The following KHDRBS2 variants were observed in gnomAD, a reference collection of about 807,000 sequenced individuals.
KHDRBS2 encodes the protein KH domain-containing, RNA-binding, signal transduction-associated protein 2.
Under a neutral mutation model 44.3 loss-of-function variants are expected in KHDRBS2, and 26 were observed. That is an observed-to-expected ratio of 0.59 (90% CI 0.43 to 0.81). KHDRBS2 has a LOEUF of 0.81. Among genes scored for constraint, KHDRBS2 ranks in the 40% least tolerant of loss-of-function variants. The pLI, the probability that KHDRBS2 is intolerant of heterozygous loss-of-function variation, is 0.00. For missense variants in KHDRBS2, 476 were observed against 433.1 expected (o/e 1.10, Z -0.88); for synonymous variants, 194 against 151.1 (o/e 1.28, Z -2.08).
chr6:61,880,409 G>A (rs1562359859), intron 6 of KHDRBS2, among the ~76,000 whole-genome samples: 1 of 151,988 alleles, frequency 6.6e-6, no homozygotes, highest in East Asian at 1.9e-4. Context: ...TGCTGCCTAA[G>A]TGACATATGA....
At chr6:62,278,113 G>A (rs1841261185) in intron 1 of KHDRBS2, among the ~76,000 whole-genome samples, 1 of 152,022 alleles carries the variant, frequency 6.6e-6, no homozygotes, top group South Asian at 2.1e-4. Context: ...ACCAAATTTT[G>A]ATCTATGAAA....
At position 61,782,722 on chromosome 6, in the gene KHDRBS2, TATATATATATATATATAC is replaced by T. The variant is rs1356256031; in HGVS notation, c.811-49976_811-49959del. Among the ~76,000 whole-genome samples the T allele has an allele frequency of 6.2e-4, 61 of 99,058 alleles. 1 individual carries two copies. Among genetic ancestry groups the T allele is most frequent in the African/African-American group, 3.5e-3 (59 of 16,962 alleles). 65.0% of individuals were successfully genotyped at this position (99,058 alleles called of 152,430 possible). A position where few individuals can be genotyped will look rare whatever the true frequency, so the allele number is the denominator to read the frequency against. On this transcript the variant is annotated intron_variant, in intron 6 of 8. Coordinates refer to ENST00000281156, the MANE Select transcript of KHDRBS2 (RefSeq NM_152688.4). ...ATATATATATATATATATATATATATATATATATATATATATACACACACACATATACATATACATATA... is the reference window on the plus strand; with the variant it reads ...ATATATATATATATATATATATATATACACACACATATACATATACATATA...
chr6:62,218,245 C>T (rs928818573), intron 1 of KHDRBS2, among the ~76,000 whole-genome samples: 1 of 151,856 alleles, frequency 6.6e-6, no homozygotes, highest in South Asian at 2.1e-4. Flanking sequence ...CGAGAACAAT[C>T]CCAAGCCTTA....
At chr6:62,274,473 T>C (rs116031345) in intron 1 of KHDRBS2, among the ~76,000 whole-genome samples, 2,355 of 152,314 alleles carry the variant, frequency 0.015, 19 homozygotes, top group Non-Finnish European at 0.026. Context: ...TACCACTCTC[T>C]CTAGACACAC....
chr6:62,263,463 T>C (rs1462834605), intron 1 of KHDRBS2, among the ~76,000 whole-genome samples: 3 of 151,698 alleles, frequency 2.0e-5, no homozygotes, highest in Non-Finnish European at 3.0e-5. Flanking sequence ...GATACATGAT[T>C]AATGTTTACT....
intron 6 of KHDRBS2, among the ~76,000 whole-genome samples, chr6:61,830,779 G>A (rs183184035): frequency 6.6e-6 from 1 of 152,224 alleles, no homozygotes; most frequent in East Asian, 1.9e-4. Context: ...ATACATGCTT[G>A]AGCTTATTGG....
chr6:62,199,398 T>C (rs1412158505), intron 1 of KHDRBS2, among the ~76,000 whole-genome samples: 2 of 152,168 alleles, frequency 1.3e-5, no homozygotes, highest in African/African-American at 4.8e-5. Flanking sequence ...AGTCTCAGGA[T>C]ACAAAATCAA....
intron 6 of KHDRBS2, among the ~76,000 whole-genome samples, chr6:61,778,458 A>C (rs1782443225): frequency 6.6e-6 from 1 of 152,208 alleles, no homozygotes; most frequent in South Asian, 2.1e-4. Flanking sequence ...CTCACAAGAA[A>C]TTCAGGTACC....
At chr6:62,143,812 T>C (rs1813362057) in intron 2 of KHDRBS2, among the ~76,000 whole-genome samples, 1 of 151,982 alleles carries the variant, frequency 6.6e-6, no homozygotes, top group African/African-American at 2.4e-5. Context: ...GCTCTTGAAG[T>C]TGTCCTATAT....
At chr6:61,985,196 A>C (rs567240920) in intron 3 of KHDRBS2, among the ~76,000 whole-genome samples, 1 of 152,308 alleles carries the variant, frequency 6.6e-6, no homozygotes, top group African/African-American at 2.4e-5. Flanking sequence ...GAATCTTTAC[A>C]GTCTAAAGAG....
At chr6:61,664,757 G>A in the KHDRBS2 span, among the ~76,000 whole-genome samples, 1 of 151,678 alleles carries the variant, frequency 6.6e-6, no homozygotes, top group Non-Finnish European at 1.5e-5. Context: ...ACAAAGCAAT[G>A]AGTTTTTCAT....
intron 4 of KHDRBS2, among the ~76,000 whole-genome samples, chr6:61,965,497 C>T (rs779893590): frequency 1.3e-4 from 20 of 151,934 alleles, no homozygotes; most frequent in Non-Finnish European, 2.6e-4. Context: ...CTGAAAACTG[C>T]ATGATCAGTG....
the KHDRBS2 span, among the ~76,000 whole-genome samples, chr6:61,611,049 T>A: frequency 6.6e-6 from 1 of 152,174 alleles, no homozygotes; most frequent in African/African-American, 2.4e-5. Flanking sequence ...GCGTTTTGCA[T>A]CTCTTTGGTA....
At chr6:61,929,499 C>CTGTA (rs1809611496) in intron 4 of KHDRBS2, among the ~76,000 whole-genome samples, 1 of 152,130 alleles carries the variant, frequency 6.6e-6, no homozygotes, top group African/African-American at 2.4e-5. Flanking sequence ...GTTCCACCAC[C>CTGTA]TGTATACCTG....
chr6:61,910,631 A>C (rs936296387), intron 4 of KHDRBS2, among the ~76,000 whole-genome samples: 4 of 152,104 alleles, frequency 2.6e-5, no homozygotes, highest in African/African-American at 9.7e-5. Flanking sequence ...ATCTTGTTTT[A>C]TTTGATTTTA....
chr6:61,718,209 C>G (rs1211791209), intron 7 of KHDRBS2, among the ~76,000 whole-genome samples: 1 of 152,026 alleles, frequency 6.6e-6, no homozygotes, highest in Non-Finnish European at 1.5e-5. Context: ...AGCAGTGGCT[C>G]CCATCCTATA....
intron 1 of KHDRBS2, among the ~76,000 whole-genome samples, chr6:62,246,741 T>C (rs1455154771): frequency 6.6e-6 from 1 of 152,056 alleles, no homozygotes; most frequent in African/African-American, 2.4e-5. Context: ...TAAGATATTT[T>C]TTCCTAATTT....
At chr6:61,551,724 G>GT in the KHDRBS2 span, among the ~76,000 whole-genome samples, 2 of 152,012 alleles carry the variant, frequency 1.3e-5, no homozygotes, top group South Asian at 4.1e-4. Flanking sequence ...TAGTCTATGT[G>GT]TTTGCTTTTG....
chr6:62,107,704 C>T (rs899900540), intron 2 of KHDRBS2, among the ~76,000 whole-genome samples: 2 of 152,142 alleles, frequency 1.3e-5, no homozygotes, highest in Non-Finnish European at 2.9e-5. Flanking sequence ...TACTACAAGG[C>T]TACAATAACC....
Sources: gnomAD v4.1 joint callset for allele counts (sites outside exome capture counted in the v4.1 genomes callset) on GRCh38, gnomAD v4.1.1 for gene constraint, MANE v1.5 for transcripts, NCBI Gene and HGNC (gene_info 2026-07-23, HGNC 2026-07-21) for gene names.